The following ACSM3 variants were observed in gnomAD, a reference collection of about 807,000 sequenced individuals.
The protein encoded by ACSM3 is acyl-coenzyme A synthetase ACSM3, mitochondrial.
In ACSM3, 61 loss-of-function variants were observed where a neutral mutation model predicts 74.1. The observed-to-expected ratio is 0.82, with a 90% CI of 0.67 to 1.02. The LOEUF (loss-of-function observed/expected upper bound fraction) is 1.02. ACSM3 is among the 50% of genes least tolerant of loss of function. The pLI, the probability that ACSM3 is intolerant of heterozygous loss-of-function variation, is 0.00. For synonymous variants in ACSM3, 213 were observed against 241.5 expected (o/e 0.88, Z 1.09); for missense variants, 660 against 697.0 (o/e 0.95, Z 0.60).
intron 1 of ACSM3, among the ~76,000 whole-genome samples, chr16:20,740,380 G>A (rs2079906371): frequency 6.6e-6 from 1 of 152,234 alleles, no homozygotes; most frequent in South Asian, 2.1e-4. Context: ...CACCTTGGGT[G>A]ACAGAGCAAG....
At chr16:20,773,173 A>G (rs1047870347) in intron 2 of ACSM3, among the ~76,000 whole-genome samples, 4 of 152,154 alleles carry the variant, frequency 2.6e-5, no homozygotes, top group Non-Finnish European at 5.9e-5. Context: ...AGTTGTTCAT[A>G]AGAGTCTTTA....
At chr16:20,743,131 G>C (rs2152425912) in intron 1 of ACSM3, among the ~76,000 whole-genome samples, 1 of 151,886 alleles carries the variant, frequency 6.6e-6, no homozygotes, top group South Asian at 2.1e-4. Flanking sequence ...GTAGAGACGG[G>C]GTTTTACCGT....
chr16:20,787,166 C>T (rs2080492191), intron 9 of ACSM3, among the ~76,000 whole-genome samples: 1 of 152,210 alleles, frequency 6.6e-6, no homozygotes, highest in South Asian at 2.1e-4. Flanking sequence ...CACTCCTCAA[C>T]TTATGATAGG....
intron 1 of ACSM3, among the ~76,000 whole-genome samples, chr16:20,687,909 C>A (rs925564318): frequency 1.3e-5 from 2 of 151,880 alleles, no homozygotes; most frequent in African/African-American, 4.8e-5. Context: ...CACGGCAAAA[C>A]CCCATCTCTA....
intron 1 of ACSM3, among the ~76,000 whole-genome samples, chr16:20,698,220 C>T (rs1361412648): frequency 6.6e-6 from 1 of 151,332 alleles, no homozygotes; most frequent in Non-Finnish European, 1.5e-5. Flanking sequence ...AAACAAACCA[C>T]GTATACGAAG....
At chr16:20,758,685 T>C (rs1473343917) in intron 3 of ACSM3, among the ~76,000 whole-genome samples, 1 of 151,958 alleles carries the variant, frequency 6.6e-6, no homozygotes, top group Non-Finnish European at 1.5e-5. Flanking sequence ...TTGAATGTGT[T>C]TGCTCTTGCT....
chr16:20,716,045 AC>A (rs11337959), intron 1 of ACSM3, among the ~76,000 whole-genome samples: 73,900 of 151,792 alleles, frequency 0.49, 18,929 homozygotes, highest in Non-Finnish European at 0.58. Flanking sequence ...TGGCTAAGTT[AC>A]CCCCCAGGGA....
chr16:20,741,246 CAAAAAT>C (rs1196319685), intron 1 of ACSM3, among the ~76,000 whole-genome samples: 2 of 152,078 alleles, frequency 1.3e-5, no homozygotes, highest in African/African-American at 4.8e-5. Context: ...CCCTGTCTCA[CAAAAAT>C]AAAAATAAAA....
intron 1 of ACSM3, among the ~76,000 whole-genome samples, chr16:20,693,000 C>T (rs534116437): frequency 6.6e-6 from 1 of 152,112 alleles, no homozygotes; most frequent in Admixed American, 6.5e-5. Context: ...GAAACCCTGT[C>T]TCTACTAAAA....
chr16:20,756,212 G>A (rs2080030358), intron 3 of ACSM3, among the ~76,000 whole-genome samples: 1 of 151,846 alleles, frequency 6.6e-6, no homozygotes, highest in Admixed American at 6.6e-5. Context: ...TCGCCACACT[G>A]ACTTCCACAA....
intron 1 of ACSM3, among the ~76,000 whole-genome samples, chr16:20,692,256 C>T (rs531089628): frequency 6.6e-6 from 1 of 152,284 alleles, no homozygotes; most frequent in African/African-American, 2.4e-5. Context: ...GACTATGTGG[C>T]CAAGGTGGTT....
At chr16:20,728,152 T>C in intron 1 of ACSM3, 1 of 289,152 alleles carries the variant, frequency 3.5e-6, no homozygotes, top group South Asian at 4.6e-5. Context: ...GCAAAGTTTG[T>C]CCTCTCAATG....
intron 1 of ACSM3, among the ~76,000 whole-genome samples, chr16:20,688,095 AAAAG>A (rs1013421504): frequency 2.6e-5 from 4 of 152,080 alleles, no homozygotes; most frequent in African/African-American, 9.7e-5. Context: ...AAAAAAAAAA[AAAAG>A]AAAGAACCAA....
upstream of ACSM3, among the ~76,000 whole-genome samples, chr16:20,762,013 C>T (rs905777057): frequency 6.6e-6 from 1 of 152,162 alleles, no homozygotes; most frequent in African/African-American, 2.4e-5. Flanking sequence ...CGGAAGCATG[C>T]CAATGTATAA....
chr16:20,725,063 C>G (rs141342711), intron 1 of ACSM3, among the ~76,000 whole-genome samples: 2 of 152,156 alleles, frequency 1.3e-5, no homozygotes, highest in East Asian at 3.9e-4. Context: ...AAAAAGAGCC[C>G]GCATTGCCAA....
intron 1 of ACSM3, chr16:20,741,836 ACGGCCTCCCCTAGC>A (rs1451055741): frequency 9.8e-6 from 15 of 1,538,336 alleles, no homozygotes; most frequent in Non-Finnish European, 1.3e-5. Context: ...GATATGAGCG[ACGGCCTCCCCTAGC>A]CGGCCTCGAA....
At chr16:20,717,251 T>C (rs1211768433) in intron 1 of ACSM3, among the ~76,000 whole-genome samples, 7 of 152,216 alleles carry the variant, frequency 4.6e-5, no homozygotes. Flanking sequence ...ATATTTCCCA[T>C]TAAAGCCATA....
intron 1 of ACSM3, chr16:20,737,992 C>G (rs377037430): frequency 6.4e-7 from 1 of 1,556,152 alleles, no homozygotes; most frequent in African/African-American, 1.4e-5. Flanking sequence ...GATAATTTCT[C>G]AGACATCTTA....
At chr16:20,764,736 G>A (rs2080108280) in intron 1 of ACSM3, 1 of 152,196 alleles carries the variant, frequency 6.6e-6, no homozygotes, top group Non-Finnish European at 1.5e-5. Flanking sequence ...AAAAAGACCA[G>A]GTAGTGGCTG....
Sources: gnomAD v4.1 joint callset for allele counts (sites outside exome capture counted in the v4.1 genomes callset) on GRCh38, gnomAD v4.1.1 for gene constraint, MANE v1.5 for transcripts, NCBI Gene and HGNC (gene_info 2026-07-23, HGNC 2026-07-21) for gene names.